Variants in WFDC10B observed in about 807,000 individuals in gnomAD.
WFDC10B encodes protein WFDC10B.
Under a neutral mutation model 2.7 loss-of-function variants are expected in WFDC10B, and 1 was observed. The observed-to-expected ratio is 0.38, with a 90% CI of 0.13 to 1.79. WFDC10B has a LOEUF of 1.79. Ranked by LOEUF, WFDC10B falls within the 40% of genes most tolerant of loss-of-function variation. The pLI, the probability that WFDC10B is intolerant of heterozygous loss-of-function variation, is 0.33. For synonymous variants in WFDC10B, 26 were observed against 32.2 expected (o/e 0.81, Z 0.65); for missense variants, 71 against 87.8 (o/e 0.81, Z 0.76).
At chr20:45,690,728 C>CT (rs1983785934) in intron 2 of WFDC10B, among the ~76,000 whole-genome samples, 1 of 148,920 alleles carries the variant, frequency 6.7e-6, no homozygotes, top group South Asian at 2.1e-4. Context: ...ATTCTTCTCT[C>CT]TTTTTTTATT....
Position 45,701,757 on chromosome 20 carries a change from A to G in WFDC10B, c.-65+2740T>C, listed in dbSNP as rs541564496. Among the ~76,000 whole-genome samples, 145 of 144,942 alleles carry G rather than the reference A, an allele frequency of 1.0e-3. 2 individuals are homozygous for G. Among genetic ancestry groups the G allele is most frequent in the African/African-American group, 3.4e-3 (134 of 39,746 alleles). ...AGCCTGGGTGACAGAGCCAGACTCCATCATCTCAAAAAAAAAAAAAAAAAA... is the reference window on the plus strand; with the variant it reads ...AGCCTGGGTGACAGAGCCAGACTCCGTCATCTCAAAAAAAAAAAAAAAAAA... On this transcript the variant is annotated intron_variant, in intron 2 of 3. Transcript: ENST00000330523.
At chr20:45,696,890 C>T (rs1983995320) in intron 2 of WFDC10B, among the ~76,000 whole-genome samples, 1 of 151,928 alleles carries the variant, frequency 6.6e-6, no homozygotes, top group African/African-American at 2.4e-5. Flanking sequence ...TTAACTGATA[C>T]AGAAAAAGCA....
intron 2 of WFDC10B, among the ~76,000 whole-genome samples, chr20:45,695,856 C>T (rs1383393607): frequency 6.6e-6 from 1 of 151,932 alleles, no homozygotes; most frequent in Non-Finnish European, 1.5e-5. Context: ...TGGTATGCAC[C>T]TGTAGTCCCA....
At chr20:45,694,210 C>T (rs958614272) in intron 2 of WFDC10B, among the ~76,000 whole-genome samples, 6 of 152,128 alleles carry the variant, frequency 3.9e-5, no homozygotes, top group South Asian at 2.1e-4. Flanking sequence ...TTTGCCAATG[C>T]CTATGTCCTG....
intron 2 of WFDC10B, among the ~76,000 whole-genome samples, chr20:45,696,914 A>T (rs1243602126): frequency 6.6e-6 from 1 of 152,164 alleles, no homozygotes; most frequent in African/African-American, 2.4e-5. Flanking sequence ...CACAAAATTC[A>T]CCACCCTTCT....
intron 2 of WFDC10B, among the ~76,000 whole-genome samples, chr20:45,699,835 C>T (rs1044266109): frequency 3.9e-5 from 6 of 152,178 alleles, no homozygotes; most frequent in Non-Finnish European, 8.8e-5. Context: ...TGTGCCACCA[C>T]GCCCATCTAA....
At chr20:45,699,590 C>A (rs1984084894) in intron 2 of WFDC10B, among the ~76,000 whole-genome samples, 1 of 152,250 alleles carries the variant, frequency 6.6e-6, no homozygotes. Flanking sequence ...AGGAAACGTG[C>A]ACAGTCACAT....
rs1399264633 is a variant in WFDC10B, at chr20:45,697,064, A to G, written c.-65+7433T>C. Among the ~76,000 whole-genome samples the G allele has an allele frequency of 2.6e-5, 4 of 152,220 alleles. No individual in the cohort carries two copies. The South Asian group carries it at 6.2e-4, about 24-fold the overall frequency. On this transcript the variant is annotated intron_variant, in intron 2 of 3. Coordinates refer to ENST00000330523, the MANE Select transcript of WFDC10B (RefSeq NM_172006.2). ...TCTTTCTCCCAAGATCAGAAATAAG[A>G]CAAGGATGCATCTTTCACCACTGCT... is the stretch of plus-strand genomic sequence containing the variant.
intron 2 of WFDC10B, among the ~76,000 whole-genome samples, chr20:45,689,958 G>A (rs1372333800): frequency 6.6e-6 from 1 of 151,654 alleles, no homozygotes; most frequent in Non-Finnish European, 1.5e-5. Flanking sequence ...TGCCCATTCA[G>A]TATGATGTTG....
At chr20:45,703,537 G>GC (rs756259144) in intron 2 of WFDC10B, among the ~76,000 whole-genome samples, 29 of 152,010 alleles carry the variant, frequency 1.9e-4, no homozygotes, top group Non-Finnish European at 2.9e-4. Context: ...TTTGACTTTT[G>GC]CCCCCAAAGA....
At chr20:45,693,867 T>G (rs1383496665) in intron 2 of WFDC10B, among the ~76,000 whole-genome samples, 2 of 152,224 alleles carry the variant, frequency 1.3e-5, no homozygotes, top group African/African-American at 4.8e-5. Context: ...CACTCCCTAG[T>G]GAGATGAACC....
At chr20:45,704,848 ACC>A (rs1046336493) in intron 1 of WFDC10B, 68 bp downstream of exon 1, 7 of 1,514,702 alleles carry the variant, frequency 4.6e-6, no homozygotes. Context: ...CTCTGAACAC[ACC>A]CACAAATGCC....
chr20:45,695,875 GA>G (rs1983960435), intron 2 of WFDC10B, among the ~76,000 whole-genome samples: 1 of 151,004 alleles, frequency 6.6e-6, no homozygotes, highest in Non-Finnish European at 1.5e-5. Flanking sequence ...CAACTACTTA[GA>G]AAAAAAACTT....
At chr20:45,702,738 A>G (rs1984217627) in intron 2 of WFDC10B, among the ~76,000 whole-genome samples, 1 of 152,230 alleles carries the variant, frequency 6.6e-6, no homozygotes, top group Non-Finnish European at 1.5e-5. Context: ...ATTACCGGTA[A>G]TTAGCATCAA....
At position 45,685,964 on chromosome 20, in the gene WFDC10B, A is replaced by C. The variant is rs2145633480; in HGVS notation, c.29T>G (p.Leu10Arg). 1 of 1,614,164 alleles carries C rather than the reference A, an allele frequency of 6.2e-7. No homozygotes were observed. The highest frequency in any genetic ancestry group is 1.1e-5 in the South Asian group (1 of 91,058). The change falls in exon 3 of 4, where the codon CTG becomes CGG. Residue 10 changes from leucine (L) to arginine (R), a missense_variant. Physicochemically the swap from Leu to Arg is moderately radical, Grantham distance 102. Coordinates refer to ENST00000330523, the MANE Select transcript of WFDC10B (RefSeq NM_172006.2). ...CTGCAGCAGCAGCACACAGAGAACC[A>C]GGACAAGCAGCAGAGTCTGGGGTGC... MAPQTLLLV[L>R]VLCVLLLQAQ... is the part of the protein sequence containing the mutation.
chr20:45,700,613 C>T (rs2145642628), intron 2 of WFDC10B, among the ~76,000 whole-genome samples: 1 of 152,148 alleles, frequency 6.6e-6, no homozygotes, highest in Admixed American at 6.5e-5. Context: ...TAGAAAAAAG[C>T]AATACATATA....
At chr20:45,696,664 A>G (rs1301850334) in intron 2 of WFDC10B, among the ~76,000 whole-genome samples, 4 of 152,188 alleles carry the variant, frequency 2.6e-5, no homozygotes, top group Non-Finnish European at 5.9e-5. Context: ...GAAATGGACA[A>G]ATTCCTAGAA....
intron 2 of WFDC10B, among the ~76,000 whole-genome samples, chr20:45,691,191 A>G (rs372648181): frequency 3.3e-5 from 5 of 152,182 alleles, no homozygotes; most frequent in East Asian, 1.9e-4. Context: ...TTGCACTGTG[A>G]TCTGAGAGAT....
chr20:45,704,367 T>G, intron 2 of WFDC10B, 130 bp downstream of exon 2: 1 of 1,525,946 alleles, frequency 6.6e-7, no homozygotes, highest in Non-Finnish European at 8.8e-7. Flanking sequence ...TTCCTGGCAG[T>G]TCCCTGGGCT....
Sources: gnomAD v4.1 joint callset for allele counts (sites outside exome capture counted in the v4.1 genomes callset) on GRCh38, gnomAD v4.1.1 for gene constraint, MANE v1.5 for transcripts, NCBI Gene and HGNC (gene_info 2026-07-23, HGNC 2026-07-21) for gene names.